Variants in SGCZ observed in about 807,000 individuals in gnomAD.
The protein encoded by SGCZ is zeta-sarcoglycan.
In SGCZ, 40 loss-of-function variants were observed where a neutral mutation model predicts 41.3. The observed-to-expected ratio is 0.97, with a 90% CI of 0.75 to 1.26. The LOEUF (loss-of-function observed/expected upper bound fraction) is 1.26. Ranked by LOEUF, SGCZ falls within the 50% of genes most tolerant of loss-of-function variation. SGCZ has a pLI of 0.00. For missense variants in SGCZ, 552 were observed against 369.8 expected (o/e 1.49, Z -4.04); for synonymous variants, 206 against 137.5 (o/e 1.50, Z -3.49).
chr8:14,611,699 A>T (rs549054540), intron 1 of SGCZ, among the ~76,000 whole-genome samples: 31 of 152,336 alleles, frequency 2.0e-4, no homozygotes, highest in African/African-American at 7.2e-4. Context: ...AAGATTTTTC[A>T]TAAAGAAATA....
intron 1 of SGCZ, among the ~76,000 whole-genome samples, chr8:15,004,873 T>TTCTTTAATCTA (rs59114901): frequency 0.7 from 106,105 of 151,536 alleles, 37,341 homozygotes; most frequent in South Asian, 0.73. Flanking sequence ...AACTGACGGG[T>TTCTTTAATCTA]TCTTTGTGTG....
intron 2 of SGCZ, among the ~76,000 whole-genome samples, chr8:14,354,210 T>G (rs1214810876): frequency 6.6e-6 from 1 of 152,034 alleles, no homozygotes; most frequent in Non-Finnish European, 1.5e-5. Context: ...TTTTAGTGCC[T>G]CACACAGTGC....
chr8:14,382,433 T>C (rs930805648), intron 2 of SGCZ, among the ~76,000 whole-genome samples: 3 of 151,186 alleles, frequency 2.0e-5, no homozygotes, highest in African/African-American at 7.3e-5. Flanking sequence ...AAAAACACAA[T>C]ACCATATCAC....
chr8:14,091,809 G>A (rs1481304235), intron 7 of SGCZ, among the ~76,000 whole-genome samples: 3 of 152,066 alleles, frequency 2.0e-5, no homozygotes, highest in Non-Finnish European at 4.4e-5. Flanking sequence ...AGTTTCTTTT[G>A]CTGGGCAGAA....
intron 1 of SGCZ, among the ~76,000 whole-genome samples, chr8:14,838,979 A>T (rs1205655836): frequency 6.6e-6 from 1 of 152,136 alleles, no homozygotes; most frequent in Non-Finnish European, 1.5e-5. Flanking sequence ...GTAGGACTTC[A>T]GGTGATCTCC....
chr8:14,608,621 G>T (rs1000111260), intron 1 of SGCZ, among the ~76,000 whole-genome samples: 3 of 138,616 alleles, frequency 2.2e-5, no homozygotes, highest in Non-Finnish European at 4.6e-5. Flanking sequence ...TTAGTCTGTT[G>T]TCTTTCTCAA....
intron 1 of SGCZ, among the ~76,000 whole-genome samples, chr8:14,822,394 T>C (rs1165724628): frequency 6.6e-6 from 1 of 152,166 alleles, no homozygotes; most frequent in Non-Finnish European, 1.5e-5. Flanking sequence ...ATTAACATTG[T>C]TAAAATGATC....
intron 2 of SGCZ, among the ~76,000 whole-genome samples, chr8:14,364,105 T>C (rs982227484): frequency 6.6e-6 from 1 of 152,198 alleles, no homozygotes; most frequent in Non-Finnish European, 1.5e-5. Context: ...GTTCAAAATA[T>C]ATAGTGTAGT....
At chr8:14,186,980 G>T (rs1804927766) in intron 4 of SGCZ, among the ~76,000 whole-genome samples, 1 of 152,090 alleles carries the variant, frequency 6.6e-6, no homozygotes, top group South Asian at 2.1e-4. Context: ...TCATGCCCCA[G>T]ATCATTCTTG....
intron 2 of SGCZ, among the ~76,000 whole-genome samples, chr8:14,388,967 C>A (rs1475432149): frequency 6.6e-6 from 1 of 151,802 alleles, no homozygotes; most frequent in East Asian, 1.9e-4. Flanking sequence ...CAATAAATAT[C>A]TTTTAAAATC....
intron 1 of SGCZ, among the ~76,000 whole-genome samples, chr8:15,199,962 G>A (rs1224571161): frequency 6.6e-6 from 1 of 152,128 alleles, no homozygotes; most frequent in Non-Finnish European, 1.5e-5. Flanking sequence ...GGATTCATAG[G>A]GAAGAATGAT....
chr8:14,202,820 A>C (rs1017865445), intron 4 of SGCZ, among the ~76,000 whole-genome samples: 2 of 152,202 alleles, frequency 1.3e-5, no homozygotes, highest in Non-Finnish European at 2.9e-5. Context: ...CTAAAGTCTT[A>C]ATATTTGTAG....
chr8:14,262,622 C>G (rs1257973139), intron 3 of SGCZ, among the ~76,000 whole-genome samples: 2 of 151,606 alleles, frequency 1.3e-5, no homozygotes, highest in South Asian at 4.2e-4. Context: ...TACATTGTAG[C>G]GCTCAAAATA....
chr8:14,389,992 G>A (rs1275173348), intron 2 of SGCZ, among the ~76,000 whole-genome samples: 1 of 151,772 alleles, frequency 6.6e-6, no homozygotes, highest in Non-Finnish European at 1.5e-5. Flanking sequence ...GTAAGTAGGG[G>A]TTTACAGTTA....
chr8:14,988,826 G>A (rs923451052), intron 1 of SGCZ, among the ~76,000 whole-genome samples: 1 of 152,100 alleles, frequency 6.6e-6, no homozygotes, highest in Non-Finnish European at 1.5e-5. Context: ...TACTAAGAGA[G>A]AAAACTGCTA....
chr8:15,229,378 T>C (rs1563196557), intron 1 of SGCZ, among the ~76,000 whole-genome samples: 1 of 152,116 alleles, frequency 6.6e-6, no homozygotes. Context: ...GTCAAAAATA[T>C]TATGAGGCTA....
chr8:14,166,573 T>G (rs566072927), intron 4 of SGCZ, among the ~76,000 whole-genome samples: 3 of 152,254 alleles, frequency 2.0e-5, no homozygotes, highest in East Asian at 3.9e-4. Flanking sequence ...TACAGTACAT[T>G]GCTTCCTTCA....
intron 1 of SGCZ, among the ~76,000 whole-genome samples, chr8:14,865,624 T>C (rs1803905368): frequency 6.6e-6 from 1 of 152,144 alleles, no homozygotes; most frequent in African/African-American, 2.4e-5. Context: ...ATGATGTTCA[T>C]GGGATGTGCG....
intron 2 of SGCZ, among the ~76,000 whole-genome samples, chr8:14,473,830 C>T (rs112022642): frequency 6.6e-6 from 1 of 150,840 alleles, no homozygotes; most frequent in Non-Finnish European, 1.5e-5. Flanking sequence ...CCCAGCTACT[C>T]GGGAAGCTGA....
Sources: gnomAD v4.1 joint callset for allele counts (sites outside exome capture counted in the v4.1 genomes callset) on GRCh38, gnomAD v4.1.1 for gene constraint, MANE v1.5 for transcripts, NCBI Gene and HGNC (gene_info 2026-07-23, HGNC 2026-07-21) for gene names.